GPHN: variants seen among roughly 807,000 people sequenced by gnomAD.
The protein encoded by GPHN is gephyrin.
Under a neutral mutation model 95.5 loss-of-function variants are expected in GPHN, and 17 were observed. The ratio of observed to expected loss-of-function variants is 0.18; its 90% confidence interval spans 0.12 to 0.27. The LOEUF (loss-of-function observed/expected upper bound fraction) is 0.27. Ranked by LOEUF, GPHN falls within the 10% of genes least tolerant of loss-of-function variation. The pLI is 1.00. For synonymous variants in GPHN, 320 were observed against 322.5 expected (o/e 0.99, Z 0.08); for missense variants, 660 against 978.1 (o/e 0.67, Z 4.34).
At chr14:67,450,220 C>A in the GPHN span, among the ~76,000 whole-genome samples, 2 of 151,984 alleles carry the variant, frequency 1.3e-5, no homozygotes, top group African/African-American at 4.8e-5. Context: ...AGTCATTAAA[C>A]CTCTTTCTTT....
intron 1 of GPHN, among the ~76,000 whole-genome samples, chr14:66,583,894 TTAAAG>T (rs1189438532): frequency 1.3e-5 from 2 of 151,892 alleles, no homozygotes; most frequent in African/African-American, 4.8e-5. Flanking sequence ...CATATGAACT[TTAAAG>T]TAGTTTTTTC....
At chr14:66,938,279 GA>G (rs1410971993) in intron 8 of GPHN, among the ~76,000 whole-genome samples, 1 of 152,096 alleles carries the variant, frequency 6.6e-6, no homozygotes, top group African/African-American at 2.4e-5. Context: ...ATATTATTTT[GA>G]AATGTTTCAT....
At chr14:66,864,029 C>A (rs1053390581) in intron 4 of GPHN, among the ~76,000 whole-genome samples, 2 of 152,024 alleles carry the variant, frequency 1.3e-5, no homozygotes, top group Admixed American at 1.3e-4. Context: ...GAAGAGAGAA[C>A]CCACAGAATA....
chr14:67,404,171 C>T, the GPHN span, among the ~76,000 whole-genome samples: 1 of 152,104 alleles, frequency 6.6e-6, no homozygotes, highest in South Asian at 2.1e-4. Flanking sequence ...ATGGTAACAA[C>T]ATAGTGCCTG....
intron 9 of GPHN, among the ~76,000 whole-genome samples, chr14:66,983,982 C>T (rs2070857605): frequency 6.6e-6 from 1 of 152,146 alleles, no homozygotes; most frequent in Non-Finnish European, 1.5e-5. Context: ...GATTTGTCAT[C>T]AACTTCCAGT....
intron 10 of GPHN, among the ~76,000 whole-genome samples, chr14:67,048,747 A>C (rs72715307): frequency 0.066 from 10,111 of 152,312 alleles, 355 homozygotes; most frequent in Middle Eastern, 0.085. Context: ...GGTAATTTTA[A>C]TATTGTAAAT....
chr14:66,875,710 A>G (rs2063629279), intron 4 of GPHN, among the ~76,000 whole-genome samples: 1 of 151,778 alleles, frequency 6.6e-6, no homozygotes, highest in South Asian at 2.1e-4. Flanking sequence ...GAGCTAACCT[A>G]AATATATATG....
At chr14:67,725,340 CAGA>C in the GPHN span, 1 of 1,370,896 alleles carries the variant, frequency 7.3e-7, no homozygotes, top group Non-Finnish European at 1.0e-6. Flanking sequence ...GCCCTTACAT[CAGA>C]ACCATCATCC....
At chr14:66,839,922 AT>A (rs750572432) in intron 4 of GPHN, among the ~76,000 whole-genome samples, 82 of 152,228 alleles carry the variant, frequency 5.4e-4, no homozygotes, top group Non-Finnish European at 1.1e-3. Context: ...GGGTAGATAG[AT>A]GAATGAATAT....
chr14:66,829,597 A>G (rs2061508968), intron 4 of GPHN, among the ~76,000 whole-genome samples: 1 of 152,196 alleles, frequency 6.6e-6, no homozygotes, highest in African/African-American at 2.4e-5. Flanking sequence ...AAATTAGAAA[A>G]TGTTAAACTG....
At chr14:67,576,336 G>A in the GPHN span, 1 of 967,280 alleles carries the variant, frequency 1.0e-6, no homozygotes, top group South Asian at 1.5e-5. This position sits in a 1 kb window ranked among gnomAD's most constrained non-coding sequence, Gnocchi z 4.0. Context: ...CCTCCTTGGA[G>A]CTCTTGCCTC....
At chr14:67,391,271 A>ATGTGTGTG in the GPHN span, among the ~76,000 whole-genome samples, 1,908 of 143,872 alleles carry the variant, frequency 0.013, 40 homozygotes, top group African/African-American at 0.042. Context: ...AGCAGCTGAT[A>ATGTGTGTG]TGTGTGTGTG....
chr14:66,916,936 A>G (rs185990773), intron 6 of GPHN, among the ~76,000 whole-genome samples: 206 of 152,336 alleles, frequency 1.4e-3, no homozygotes, highest in Non-Finnish European at 2.3e-3. Context: ...CAGTAGTATC[A>G]GTGTGAATAT....
At chr14:66,608,665 C>T (rs1000698823) in intron 1 of GPHN, among the ~76,000 whole-genome samples, 1 of 152,148 alleles carries the variant, frequency 6.6e-6, no homozygotes, top group African/African-American at 2.4e-5. Flanking sequence ...AATCTGGATG[C>T]TCCAATGTTG....
At chr14:67,485,639 C>G in the GPHN span, among the ~76,000 whole-genome samples, 1 of 152,204 alleles carries the variant, frequency 6.6e-6, no homozygotes, top group Non-Finnish European at 1.5e-5. Flanking sequence ...CACCAGGCTA[C>G]GGGCCCTGCA....
chr14:67,047,024 T>C (rs953599023), intron 10 of GPHN, among the ~76,000 whole-genome samples: 1 of 152,128 alleles, frequency 6.6e-6, no homozygotes, highest in Non-Finnish European at 1.5e-5. Flanking sequence ...CGGTTTGCTC[T>C]TCAGAAAGAT....
At chr14:67,403,601 C>T in the GPHN span, among the ~76,000 whole-genome samples, 1 of 152,196 alleles carries the variant, frequency 6.6e-6, no homozygotes, top group African/African-American at 2.4e-5. Flanking sequence ...ACTGAGAATC[C>T]TAACTGATAG....
the GPHN span, chr14:67,572,318 G>GT: frequency 0.013 from 20,387 of 1,533,250 alleles, 478 homozygotes; most frequent in African/African-American, 0.077. Flanking sequence ...GAAGCAGAAT[G>GT]CAGCAGAGGC....
intron 21 of GPHN, among the ~76,000 whole-genome samples, chr14:67,173,089 C>G (rs527812453): frequency 6.6e-6 from 1 of 152,294 alleles, no homozygotes; most frequent in East Asian, 1.9e-4. Flanking sequence ...AAGGGGTACC[C>G]AAAGTCACAG....
Sources: allele counts gnomAD v4.1 joint callset (sites outside exome capture counted in the v4.1 genomes callset), GRCh38; gene constraint gnomAD v4.1.1; non-coding constraint Gnocchi (gnomAD v3.1); transcripts MANE v1.5; gene names NCBI Gene and HGNC (gene_info 2026-07-23, HGNC 2026-07-21).